Variants in LMF1 observed in about 807,000 individuals in gnomAD.
The protein encoded by LMF1 is transmembrane protein 112.
LMF1 carries 68 observed loss-of-function variants against 60.6 expected under a neutral mutation model. The ratio of observed to expected loss-of-function variants is 1.12; its 90% confidence interval spans 0.92 to 1.37. The LOEUF (loss-of-function observed/expected upper bound fraction) is 1.37, where lower values mean the gene tolerates loss of function less well. Among genes scored for constraint, LMF1 ranks in the 40% most tolerant of loss-of-function variants. The probability of loss-of-function intolerance (pLI) is 0.00; values close to 1 mark genes in which losing one functional copy is unlikely to be tolerated. For synonymous variants in LMF1, 418 were observed against 324.7 expected (o/e 1.29, Z -3.09); for missense variants, 948 against 767.2 (o/e 1.24, Z -2.78).
At chr16:900,448 G>T (rs560860562) in intron 4 of LMF1, 2 of 152,358 alleles carry the variant, frequency 1.3e-5, no homozygotes, top group Admixed American at 6.5e-5. Context: ...AGAGCCGTAA[G>T]CTGCACAGGT....
At chr16:906,933 C>T (rs544895134) in intron 4 of LMF1, among the ~76,000 whole-genome samples, 24 of 152,294 alleles carry the variant, frequency 1.6e-4, no homozygotes, top group African/African-American at 5.8e-4. Context: ...GATTCATGAA[C>T]ATGGTATACC....
At chr16:894,657 T>C (rs1596932739) in intron 4 of LMF1, among the ~76,000 whole-genome samples, 1 of 152,180 alleles carries the variant, frequency 6.6e-6, no homozygotes. Context: ...GCGATGGCTG[T>C]GGTGGGTGTA....
rs901657661 is a variant in LMF1 at position 878,959 on chromosome 16, A to T, written c.897+611T>A. 6.6e-6 allele frequency among the ~76,000 whole-genome samples: 1 copy of T among 152,164 alleles called. No homozygotes were observed. The highest frequency in any genetic ancestry group is 2.4e-5 in the African/African-American group (1 of 41,416). ...GAATGTAGCGTTTACAGGGAAAAGC[A>T]AAGGCTCGGGACTGGCCCAGCCCCC... On this transcript the variant is annotated intron_variant, in intron 6 of 10. Transcript: ENST00000262301. The surrounding 1 kb of genome is among the most constrained non-coding windows in gnomAD (Gnocchi z 5.2).
At chr16:871,081 C>A in intron 7 of LMF1, 80 bp downstream of exon 7, 1 of 1,453,712 alleles carries the variant, frequency 6.9e-7, no homozygotes. Flanking sequence ...GCGTCCCCAA[C>A]CCACACGGGC....
At chr16:943,871 T>C (rs113289307) in intron 2 of LMF1, among the ~76,000 whole-genome samples, 9,903 of 152,224 alleles carry the variant, frequency 0.065, 380 homozygotes, top group Non-Finnish European at 0.089. Context: ...GTTTCCTGTA[T>C]AGGGATCCTA....
intron 6 of LMF1, among the ~76,000 whole-genome samples, chr16:875,720 G>C (rs1441962249): frequency 6.6e-6 from 1 of 152,114 alleles, no homozygotes; most frequent in Non-Finnish European, 1.5e-5. Flanking sequence ...TGGGCTGTGT[G>C]TCCAGGGGTG....
At chr16:939,720 AC>A (rs2072044221) in intron 2 of LMF1, among the ~76,000 whole-genome samples, 1 of 152,260 alleles carries the variant, frequency 6.6e-6, no homozygotes, top group African/African-American at 2.4e-5. Context: ...TTGTGATTTG[AC>A]GGGAAGTAAA....
At chr16:926,536 A>G (rs929068) in intron 3 of LMF1, among the ~76,000 whole-genome samples, 67,099 of 152,128 alleles carry the variant, frequency 0.44, 16,374 homozygotes, top group African/African-American at 0.65. Flanking sequence ...CTGAGTTGGC[A>G]TGAAGATAAG....
Position 897,039 on chromosome 16 carries a change from C to T in LMF1, c.664-3967G>A, listed in dbSNP as rs2070684469. 6.6e-6 allele frequency among the ~76,000 whole-genome samples: 1 copy of T among 152,084 alleles called. No homozygotes were observed. Among genetic ancestry groups the T allele is most frequent in the Non-Finnish European group, 1.5e-5 (1 of 68,018 alleles). On this transcript the variant is annotated intron_variant, in intron 4 of 10. Coordinates refer to ENST00000262301, the MANE Select transcript of LMF1 (RefSeq NM_022773.4). This position sits in a 1 kb window ranked among gnomAD's most constrained non-coding sequence, Gnocchi z 4.3. ...CAGACAGGCCAATAAACGCACCAGA[C>T]CCAAAGGGAGCCGGGGACCCACACT...
At chr16:912,630 C>T (rs2071154069) in intron 3 of LMF1, among the ~76,000 whole-genome samples, 1 of 152,212 alleles carries the variant, frequency 6.6e-6, no homozygotes, top group Admixed American at 6.5e-5. Flanking sequence ...AAGCTGACGC[C>T]TGCTGGTCTC....
chr16:870,261 G>A (rs140552303), intron 8 of LMF1, among the ~76,000 whole-genome samples, 195 bp from the exon 9 acceptor site: 56 of 152,322 alleles, frequency 3.7e-4, no homozygotes, highest in African/African-American at 1.3e-3. Flanking sequence ...TGGCCCCAGG[G>A]TCTCATTCGA....
chr16:914,522 G>A (rs1460720284), intron 3 of LMF1, among the ~76,000 whole-genome samples: 2 of 150,852 alleles, frequency 1.3e-5, no homozygotes, highest in Non-Finnish European at 2.9e-5. Flanking sequence ...ATGACCATTG[G>A]TGACACACTC....
At chr16:904,445 T>C (rs12927617) in intron 4 of LMF1, among the ~76,000 whole-genome samples, 75 of 71,084 alleles carry the variant, frequency 1.1e-3, no homozygotes, top group South Asian at 2.9e-3. Flanking sequence ...CTGCACTGCC[T>C]GTGGGGACGC....
intron 5 of LMF1, among the ~76,000 whole-genome samples, chr16:880,055 C>A (rs933732751): frequency 6.6e-6 from 1 of 152,186 alleles, no homozygotes; most frequent in African/African-American, 2.4e-5. Context: ...CACAGGCAGT[C>A]GGAGAACAGG....
intron 10 of LMF1, among the ~76,000 whole-genome samples, chr16:861,369 T>G (rs1251410055): frequency 6.8e-6 from 1 of 147,754 alleles, no homozygotes; most frequent in Non-Finnish European, 1.5e-5. Context: ...TTTTTTTTTT[T>G]TTTTTTGAGA....
rs113745762 is a variant in LMF1, at chr16:863,140, C to G, written c.1529+5804G>C. ...ATGTTTGTCGTAGTCGCTTATTATC[C>G]TTTTCAGATTGCAGGGTCTGTAGTG... is the stretch of plus-strand genomic sequence containing the variant. On this transcript the variant is annotated intron_variant, in intron 10 of 10. Coordinates refer to ENST00000262301, the MANE Select transcript of LMF1 (RefSeq NM_022773.4). Among the ~76,000 whole-genome samples, 1,041 of 152,206 alleles carry G rather than the reference C, an allele frequency of 6.8e-3. 18 individuals carry two copies. Among genetic ancestry groups the G allele is most frequent in the African/African-American group, 0.024 (1,006 of 41,538 alleles).
At chr16:903,147 C>T (rs2070867115) in intron 4 of LMF1, 1 of 16,138 alleles carries the variant, frequency 6.2e-5, no homozygotes, top group Non-Finnish European at 1.0e-4. Flanking sequence ...TCTGCACTGC[C>T]TGTGGGGACG....
chr16:888,085 G>T (rs146165716), intron 5 of LMF1, among the ~76,000 whole-genome samples: 1 of 152,210 alleles, frequency 6.6e-6, no homozygotes, highest in Non-Finnish European at 1.5e-5. Context: ...ATCCTTCGGC[G>T]GACGGAATTG....
chr16:882,148 A>G (rs988848770), intron 5 of LMF1, among the ~76,000 whole-genome samples: 2 of 152,232 alleles, frequency 1.3e-5, no homozygotes, highest in African/African-American at 4.8e-5. Context: ...CTTCCCACCA[A>G]GGCAACTGCA....
Sources: gnomAD v4.1 joint callset for allele counts (sites outside exome capture counted in the v4.1 genomes callset) on GRCh38, gnomAD v4.1.1 for gene constraint, Gnocchi (gnomAD v3.1) non-coding constraint, MANE v1.5 for transcripts, NCBI Gene and HGNC (gene_info 2026-07-23, HGNC 2026-07-21) for gene names.